Variants in BAIAP2L1 observed in about 807,000 individuals in gnomAD.
BAIAP2L1 encodes BAR/IMD domain containing adaptor protein 2 like 1, also known as BAR/IMD domain-containing adapter protein 2-like 1.
In BAIAP2L1, 35 loss-of-function variants were observed where a neutral mutation model predicts 66.3. That is an observed-to-expected ratio of 0.53 (90% CI 0.40 to 0.70). The LOEUF (loss-of-function observed/expected upper bound fraction) is 0.70, where lower values mean the gene tolerates loss of function less well. Among genes scored for constraint, BAIAP2L1 ranks in the 30% least tolerant of loss-of-function variants. The pLI is 0.00. For missense variants in BAIAP2L1, 622 were observed against 656.9 expected, an observed-to-expected ratio of 0.95 and a Z score of 0.58; for synonymous variants, 269 against 248.7, an observed-to-expected ratio of 1.08 and a Z score of -0.77.
rs142061599 is a variant in BAIAP2L1 at position 98,342,041 on chromosome 7, ATTTT to A, written c.214+12997_214+13000del. Among the ~76,000 whole-genome samples the A allele has an allele frequency of 5.0e-4, 48 of 95,080 alleles. 1 individual carries two copies. The highest frequency in any genetic ancestry group is 1.5e-3 in the Admixed American group (11 of 7,576). 62.4% of individuals were successfully genotyped at this position (95,080 alleles called of 152,430 possible). A position where few individuals can be genotyped will look rare whatever the true frequency, so the allele number is the denominator to read the frequency against. ...AAAATGTTTCAGAAATTTTTTTCTGATTTTTTTTTTTTTTTTTTTTTTTTTATAA... is the reference window on the plus strand; with the variant it reads ...AAAATGTTTCAGAAATTTTTTTCTGATTTTTTTTTTTTTTTTTTTTTATAA... On this transcript the variant is annotated intron_variant, in intron 3 of 13. Transcript: ENST00000005260.
chr7:98,300,326 T>C (rs1215413884), intron 12 of BAIAP2L1, among the ~76,000 whole-genome samples: 7 of 152,208 alleles, frequency 4.6e-5, no homozygotes, highest in Middle Eastern at 3.2e-3. Context: ...TTCCCACAGC[T>C]GCGCTCCCGG....
intron 3 of BAIAP2L1, chr7:98,323,541 C>A (rs1027591509): frequency 6.6e-6 from 1 of 152,220 alleles, no homozygotes; most frequent in Non-Finnish European, 1.5e-5. Context: ...TAATGTGGAT[C>A]TCTGGGAAGC....
chr7:98,292,758 A>G lies in BAIAP2L1; in HGVS notation c.*763T>C, dbSNP rs1037294084. 1.5e-5 allele frequency: 23 copies of G among 1,550,410 alleles called. No homozygotes were observed. Among genetic ancestry groups the G allele is most frequent in the African/African-American group, 5.5e-5 (4 of 72,986 alleles). On this transcript the variant is annotated 3_prime_UTR_variant, in exon 14 of 14. Coordinates refer to ENST00000005260, the MANE Select transcript of BAIAP2L1 (RefSeq NM_018842.5). ...CTGGTAATGGATGCAGCTTTGGCCA[A>G]CTAGCTGAGTGAGAACACAAGGAGC...
At chr7:98,371,551 G>A (rs1802511051) in intron 1 of BAIAP2L1, among the ~76,000 whole-genome samples, 2 of 152,190 alleles carry the variant, frequency 1.3e-5, no homozygotes, top group Admixed American at 6.5e-5. Context: ...TACTGCCTCT[G>A]TAAAGTTACA....
At chr7:98,314,580 C>T (rs1010251676) in intron 7 of BAIAP2L1, among the ~76,000 whole-genome samples, 3 of 152,166 alleles carry the variant, frequency 2.0e-5, no homozygotes, top group African/African-American at 7.2e-5. Flanking sequence ...AACCTCACAG[C>T]TGTGTGTGTT....
chr7:98,292,362 C>T lies in BAIAP2L1; in HGVS notation c.*1159G>A. On this transcript the variant is annotated 3_prime_UTR_variant, in exon 14 of 14. Transcript: ENST00000005260. ...TCAGCCTCCTGAGTGGCGCCCACCA[C>T]CACACCTGTCTAATTTTTGTATTTT... is the stretch of plus-strand genomic sequence containing the variant. 1 of 424,226 alleles carries T rather than the reference C, an allele frequency of 2.4e-6. No individual in the cohort carries two copies. Among genetic ancestry groups the T allele is most frequent in the South Asian group, 2.7e-5 (1 of 36,370 alleles). 26.3% of individuals were successfully genotyped at this position (424,226 alleles called of 1,614,324 possible).
intron 12 of BAIAP2L1, among the ~76,000 whole-genome samples, chr7:98,303,090 A>G (rs1800493662): frequency 6.6e-6 from 1 of 152,204 alleles, no homozygotes; most frequent in South Asian, 2.1e-4. Flanking sequence ...CCTGGCTTCA[A>G]AGACATTTTG....
At chr7:98,381,332 A>T (rs906324713) in intron 1 of BAIAP2L1, among the ~76,000 whole-genome samples, 2 of 152,218 alleles carry the variant, frequency 1.3e-5, no homozygotes, top group African/African-American at 4.8e-5. Context: ...TTTTGCCTTC[A>T]TTCTTCCTTT....
At chr7:98,322,655 C>T (rs1464057976) in intron 3 of BAIAP2L1, among the ~76,000 whole-genome samples, 1 of 152,154 alleles carries the variant, frequency 6.6e-6, no homozygotes, top group African/African-American at 2.4e-5. Context: ...GCGGAGGATT[C>T]TCCCATCCAC....
intron 7 of BAIAP2L1, 30 bp from the exon 8 acceptor site, chr7:98,312,294 CAAA>C (rs752104805): frequency 6.3e-7 from 1 of 1,575,912 alleles, no homozygotes; most frequent in Non-Finnish European, 8.6e-7. Flanking sequence ...AGACTAAAGA[CAAA>C]GAAGATTGTC....
chr7:98,299,605 C>T (rs1414702731), intron 12 of BAIAP2L1, among the ~76,000 whole-genome samples: 1 of 152,140 alleles, frequency 6.6e-6, no homozygotes, highest in Non-Finnish European at 1.5e-5. Flanking sequence ...GATTCTACCA[C>T]CTTGGCCTTC....
intron 3 of BAIAP2L1, among the ~76,000 whole-genome samples, chr7:98,351,729 G>GA (rs1463896092): frequency 6.6e-6 from 1 of 152,156 alleles, no homozygotes; most frequent in East Asian, 1.9e-4. Context: ...TAAAGATGCT[G>GA]ATTGCTTAAC....
chr7:98,365,848 G>A (rs1802378855), intron 1 of BAIAP2L1, among the ~76,000 whole-genome samples: 2 of 152,108 alleles, frequency 1.3e-5, no homozygotes, highest in South Asian at 4.1e-4. Context: ...TCTCCTGTCT[G>A]AATTTTTTGG....
chr7:98,390,394 C>A (rs1205170240), intron 1 of BAIAP2L1, among the ~76,000 whole-genome samples: 2 of 151,790 alleles, frequency 1.3e-5, no homozygotes, highest in Non-Finnish European at 2.9e-5. Context: ...TATTTATCTG[C>A]TTTACATTAA....
chr7:98,303,072 C>G (rs1158196003), intron 12 of BAIAP2L1, among the ~76,000 whole-genome samples: 1 of 152,164 alleles, frequency 6.6e-6, no homozygotes, highest in African/African-American at 2.4e-5. Flanking sequence ...CAGACATGAG[C>G]CATTGCACCT....
At chr7:98,353,233 C>A (rs1802037972) in intron 3 of BAIAP2L1, among the ~76,000 whole-genome samples, 1 of 149,566 alleles carries the variant, frequency 6.7e-6, no homozygotes, top group South Asian at 2.1e-4. Flanking sequence ...TGAGGCCAGT[C>A]ATCCTAGCAC....
intron 1 of BAIAP2L1, among the ~76,000 whole-genome samples, chr7:98,370,214 A>G (rs1383762474): frequency 6.6e-6 from 1 of 151,832 alleles, no homozygotes; most frequent in African/African-American, 2.4e-5. Flanking sequence ...ATCTCTACTA[A>G]AAACACAAAA....
intron 12 of BAIAP2L1, among the ~76,000 whole-genome samples, chr7:98,295,420 C>A (rs776769103): frequency 2.6e-5 from 4 of 152,238 alleles, no homozygotes; most frequent in Admixed American, 6.5e-5. Context: ...GCAAAAGTGA[C>A]TTCCTGCGGG....
At chr7:98,391,920 T>A (rs181377431) in intron 1 of BAIAP2L1, among the ~76,000 whole-genome samples, 1 of 152,232 alleles carries the variant, frequency 6.6e-6, no homozygotes, top group Admixed American at 6.5e-5. Context: ...TAGTTATTAA[T>A]AGGCATGAAA....
Sources: gnomAD v4.1 joint callset for allele counts (sites outside exome capture counted in the v4.1 genomes callset) on GRCh38, gnomAD v4.1.1 for gene constraint, MANE v1.5 for transcripts, NCBI Gene and HGNC (gene_info 2026-07-23, HGNC 2026-07-21) for gene names.